Variants in PDSS2 observed in about 807,000 individuals in gnomAD.
PDSS2 encodes the protein all trans-polyprenyl-diphosphate synthase PDSS2.
A neutral mutation model predicts 44.5 loss-of-function variants in PDSS2; 31 were observed. That is an observed-to-expected ratio of 0.70 (90% CI 0.52 to 0.94). The LOEUF is 0.94. PDSS2 is among the 40% of genes least tolerant of loss of function. PDSS2 has a pLI of 0.00. For synonymous variants in PDSS2, 157 were observed against 180.3 expected (o/e 0.87, Z 1.03); for missense variants, 452 against 482.2 (o/e 0.94, Z 0.59).
rs553579863 is a variant in PDSS2, at chr6:107,450,078, A to C, written c.296+8912T>G. ...CACCCAGAAGCAGAATTGTTGGGTC[A>C]TATGGTAATTCTATTTTTAATTTTT... On this transcript the variant is annotated intron_variant, in intron 1 of 7. Coordinates refer to ENST00000369037, the MANE Select transcript of PDSS2 (RefSeq NM_020381.4). Among the ~76,000 whole-genome samples the C allele has an allele frequency of 9.8e-5, 15 of 152,330 alleles. 1 individual carries two copies. Among genetic ancestry groups the C allele is most frequent in the African/African-American group, 3.4e-4 (14 of 41,568 alleles).
intron 7 of PDSS2, among the ~76,000 whole-genome samples, chr6:107,175,299 G>A (rs559307452): frequency 1.3e-5 from 2 of 151,778 alleles, no homozygotes; most frequent in African/African-American, 4.8e-5. Flanking sequence ...ACAGCCCTAC[G>A]AGGTAGATGC....
chr6:107,363,716 C>T (rs1358799464), intron 1 of PDSS2, among the ~76,000 whole-genome samples: 1 of 152,134 alleles, frequency 6.6e-6, no homozygotes, highest in Non-Finnish European at 1.5e-5. Context: ...CTTATCTGGC[C>T]CCACCCACAT....
chr6:107,454,296 C>T (rs1025321411), intron 1 of PDSS2, among the ~76,000 whole-genome samples: 1 of 152,086 alleles, frequency 6.6e-6, no homozygotes, highest in South Asian at 2.1e-4. Flanking sequence ...AATCTGCCTA[C>T]CTTGGCCTCC....
rs1337717601 is a variant in PDSS2 at position 107,402,554 on chromosome 6, A to ATATATATAT, written c.296+56435_296+56436insATATATATA. On this transcript the variant is annotated intron_variant, in intron 1 of 7. Transcript: ENST00000369037. ...CATTTTATATATATATATATATATAAAAATATATATACATGTGTATATATA... is the reference window on the plus strand; with the variant it reads ...CATTTTATATATATATATATATATAATATATATATAAATATATATACATGTGTATATATA... Among the ~76,000 whole-genome samples the ATATATATAT allele has an allele frequency of 2.6e-4, 16 of 61,790 alleles. No homozygotes were observed. The East Asian group carries it at 3.1e-3, about 12-fold the overall frequency. 40.5% of individuals were successfully genotyped at this position (61,790 alleles called of 152,430 possible).
chr6:107,410,634 C>T (rs7743395), intron 1 of PDSS2, among the ~76,000 whole-genome samples: 2 of 151,866 alleles, frequency 1.3e-5, no homozygotes, highest in Non-Finnish European at 2.9e-5. Flanking sequence ...ATTACAGGCA[C>T]GTGCCACCAC....
chr6:107,387,486 G>A (rs1313582738), intron 1 of PDSS2, among the ~76,000 whole-genome samples: 1 of 152,180 alleles, frequency 6.6e-6, no homozygotes, highest in Non-Finnish European at 1.5e-5. Context: ...TACAGAGACA[G>A]AAGGAAAGAA....
chr6:107,259,531 C>T (rs148208846), intron 3 of PDSS2, among the ~76,000 whole-genome samples: 3 of 152,048 alleles, frequency 2.0e-5, no homozygotes, highest in South Asian at 2.1e-4. Flanking sequence ...AAAAATTAGC[C>T]GGGCGTGGTG....
At chr6:107,458,581 T>A (rs2114899153) in intron 1 of PDSS2, among the ~76,000 whole-genome samples, 1 of 151,800 alleles carries the variant, frequency 6.6e-6, no homozygotes, top group Non-Finnish European at 1.5e-5. Flanking sequence ...AGCCTCTCTC[T>A]CTCTCCTTGC....
intron 1 of PDSS2, among the ~76,000 whole-genome samples, chr6:107,422,624 C>T (rs1780862386): frequency 1.3e-5 from 2 of 151,830 alleles, no homozygotes; most frequent in South Asian, 4.1e-4. Context: ...TGAAATATCA[C>T]GTAGTTGTTA....
chr6:107,348,744 A>G (rs1778330995), intron 1 of PDSS2, among the ~76,000 whole-genome samples: 1 of 152,164 alleles, frequency 6.6e-6, no homozygotes, highest in African/African-American at 2.4e-5. Context: ...AATACTGCTA[A>G]TGGATACACC....
intron 1 of PDSS2, 114 bp downstream of exon 1, chr6:107,458,876 G>A (rs1228398435): frequency 3.4e-6 from 3 of 884,620 alleles, no homozygotes; most frequent in East Asian, 2.6e-5. Context: ...AAAAAGGAAG[G>A]ACTAAAAAGA....
At chr6:107,386,025 G>T (rs1021749357) in intron 1 of PDSS2, among the ~76,000 whole-genome samples, 3 of 152,062 alleles carry the variant, frequency 2.0e-5, no homozygotes, top group Non-Finnish European at 4.4e-5. Flanking sequence ...GTTAAATGAA[G>T]GTAAGTTTAG....
chr6:107,428,560 G>A (rs1231061966), intron 1 of PDSS2, among the ~76,000 whole-genome samples: 1 of 152,134 alleles, frequency 6.6e-6, no homozygotes, highest in Non-Finnish European at 1.5e-5. Flanking sequence ...AGACGCAGTG[G>A]CTCATACCTG....
chr6:107,320,858 A>C (rs547738693), intron 2 of PDSS2, among the ~76,000 whole-genome samples: 1 of 152,322 alleles, frequency 6.6e-6, no homozygotes, highest in East Asian at 1.9e-4. Flanking sequence ...TGAGGATGTC[A>C]AGATGACTAA....
At chr6:107,426,137 A>T (rs931898910) in intron 1 of PDSS2, among the ~76,000 whole-genome samples, 1 of 152,148 alleles carries the variant, frequency 6.6e-6, no homozygotes, top group African/African-American at 2.4e-5. Flanking sequence ...TTTAGGAGGA[A>T]AAAATGATTT....
intron 1 of PDSS2, among the ~76,000 whole-genome samples, chr6:107,456,847 G>C (rs762879173): frequency 1.3e-5 from 2 of 152,186 alleles, no homozygotes; most frequent in South Asian, 2.1e-4. Flanking sequence ...AGGACCCCTG[G>C]TAATTTTGAA....
At chr6:107,437,845 G>C (rs1479787472) in intron 1 of PDSS2, among the ~76,000 whole-genome samples, 1 of 152,134 alleles carries the variant, frequency 6.6e-6, no homozygotes, top group Non-Finnish European at 1.5e-5. Flanking sequence ...TCTCCTGATT[G>C]AGGCCAGAAG....
At chr6:107,315,521 TC>T (rs1175997256) in intron 2 of PDSS2, among the ~76,000 whole-genome samples, 1 of 152,196 alleles carries the variant, frequency 6.6e-6, no homozygotes, top group Non-Finnish European at 1.5e-5. Context: ...AAGGATCCTT[TC>T]CTTTCATTTA....
Position 107,459,518 on chromosome 6 carries a change from A to C in PDSS2, c.-233T>G, listed in dbSNP as rs1782180190. ...AGCACTGCCCCCGGCCACCCGGGGT[A>C]GAAACCACAGCCACTGCCTATGTGG... On this transcript the variant is annotated 5_prime_UTR_variant, in exon 1 of 8. Transcript: ENST00000369037. This position sits in a 1 kb window ranked among gnomAD's most constrained non-coding sequence, Gnocchi z 4.3. 1 of 573,268 alleles carries C rather than the reference A, an allele frequency of 1.7e-6. No homozygotes were observed. The highest frequency in any genetic ancestry group is 2.1e-5 in the South Asian group (1 of 48,410). 35.5% of individuals were successfully genotyped at this position (573,268 alleles called of 1,614,324 possible).
Sources: allele counts gnomAD v4.1 joint callset (sites outside exome capture counted in the v4.1 genomes callset), GRCh38; gene constraint gnomAD v4.1.1; non-coding constraint Gnocchi (gnomAD v3.1); transcripts MANE v1.5; gene names NCBI Gene and HGNC (gene_info 2026-07-23, HGNC 2026-07-21).